The following DLG2 variants were observed in gnomAD, a reference collection of about 807,000 sequenced individuals.
DLG2 encodes the protein discs large MAGUK scaffold protein 2.
In DLG2, 45 loss-of-function variants were observed where a neutral mutation model predicts 132.5. That is an observed-to-expected ratio of 0.34 (90% CI 0.27 to 0.44). DLG2 has a LOEUF of 0.44. Ranked by LOEUF, DLG2 falls within the 20% of genes least tolerant of loss-of-function variation. The pLI, the probability that DLG2 is intolerant of heterozygous loss-of-function variation, is 1.00. For missense variants in DLG2, 1,045 were observed against 1,196.9 expected, an observed-to-expected ratio of 0.87 and a Z score of 1.87; for synonymous variants, 424 against 419.6, an observed-to-expected ratio of 1.01 and a Z score of -0.13.
chr11:83,691,375 T>G (rs2080964094), intron 18 of DLG2, among the ~76,000 whole-genome samples: 1 of 152,030 alleles, frequency 6.6e-6, no homozygotes, highest in African/African-American at 2.4e-5. Context: ...AAGGACAGGG[T>G]AGGGTGGGGA....
chr11:85,009,963 C>A (rs541364099), intron 6 of DLG2, among the ~76,000 whole-genome samples: 1 of 152,138 alleles, frequency 6.6e-6, no homozygotes, highest in Admixed American at 6.5e-5. Flanking sequence ...GTAGGTTGCC[C>A]AAGAATCCCA....
chr11:85,517,261 T>C (rs2094187712), intron 3 of DLG2, among the ~76,000 whole-genome samples: 1 of 151,920 alleles, frequency 6.6e-6, no homozygotes, highest in Non-Finnish European at 1.5e-5. Flanking sequence ...CTCCCCAAGA[T>C]AGGCATAGAA....
intron 6 of DLG2, among the ~76,000 whole-genome samples, chr11:84,672,464 T>G (rs1411680412): frequency 6.6e-6 from 1 of 152,176 alleles, no homozygotes; most frequent in Non-Finnish European, 1.5e-5. Flanking sequence ...AACATATTTT[T>G]AATAGAGAAG....
At chr11:83,900,214 G>A (rs1596150831) in intron 15 of DLG2, among the ~76,000 whole-genome samples, 2 of 152,136 alleles carry the variant, frequency 1.3e-5, no homozygotes, top group African/African-American at 4.8e-5. Flanking sequence ...AGTTTTATAA[G>A]GGAAGCAGAG....
At chr11:84,656,349 A>G (rs2099688238) in intron 6 of DLG2, among the ~76,000 whole-genome samples, 1 of 152,206 alleles carries the variant, frequency 6.6e-6, no homozygotes, top group Non-Finnish European at 1.5e-5. Context: ...AACAAAAATC[A>G]CCATATAAAA....
At chr11:84,146,560 A>G (rs1488134658) in intron 9 of DLG2, among the ~76,000 whole-genome samples, 2 of 152,160 alleles carry the variant, frequency 1.3e-5, no homozygotes, top group Non-Finnish European at 2.9e-5. Context: ...AATTAGAAAA[A>G]TAATTTAGAA....
At chr11:83,567,410 G>T (rs572639099) in intron 19 of DLG2, among the ~76,000 whole-genome samples, 3 of 152,090 alleles carry the variant, frequency 2.0e-5, no homozygotes, top group Non-Finnish European at 2.9e-5. Context: ...ACCTGGTTTT[G>T]CCTCTACCAT....
intron 8 of DLG2, among the ~76,000 whole-genome samples, chr11:84,185,373 G>C (rs1348965500): frequency 3.3e-5 from 5 of 152,058 alleles, no homozygotes; most frequent in Non-Finnish European, 5.9e-5. Flanking sequence ...CTCTCTGTTT[G>C]TCTGTTATTT....
chr11:83,516,089 T>G (rs1422479404), intron 21 of DLG2, among the ~76,000 whole-genome samples: 2 of 152,220 alleles, frequency 1.3e-5, no homozygotes, highest in Non-Finnish European at 2.9e-5. Flanking sequence ...TTGTTAATTT[T>G]CTGTCCCTTT....
intron 7 of DLG2, chr11:84,273,438 G>T: frequency 1.4e-6 from 1 of 723,090 alleles, no homozygotes. Context: ...GGATAACTGG[G>T]CATGACTTGA....
intron 7 of DLG2, among the ~76,000 whole-genome samples, chr11:84,510,217 A>G (rs1353207211): frequency 6.6e-6 from 1 of 151,806 alleles, no homozygotes; most frequent in Non-Finnish European, 1.5e-5. Flanking sequence ...TATATTATCA[A>G]AATTGGAAAG....
intron 3 of DLG2, among the ~76,000 whole-genome samples, chr11:85,564,766 T>C (rs1172062053): frequency 6.6e-6 from 1 of 151,992 alleles, no homozygotes; most frequent in African/African-American, 2.4e-5. Flanking sequence ...TAGAATCAGT[T>C]TGTCAATTTT....
intron 3 of DLG2, among the ~76,000 whole-genome samples, chr11:85,449,859 G>A (rs1812352): frequency 0.066 from 9,903 of 151,104 alleles, 431 homozygotes; most frequent in East Asian, 0.1. Flanking sequence ...TAGGCACAGT[G>A]GGTCACGCCT....
At chr11:85,305,801 C>T (rs769098101) in intron 3 of DLG2, among the ~76,000 whole-genome samples, 3 of 152,192 alleles carry the variant, frequency 2.0e-5, no homozygotes, top group African/African-American at 7.2e-5. Flanking sequence ...GCGTGAGCCA[C>T]GGCGCCTGGC....
chr11:85,152,126 C>G (rs1427662191), intron 5 of DLG2, among the ~76,000 whole-genome samples: 1 of 151,990 alleles, frequency 6.6e-6, no homozygotes, highest in Non-Finnish European at 1.5e-5. Context: ...TATAAATATA[C>G]ACTATAGCCT....
chr11:84,517,552 T>C (rs1264214691), intron 7 of DLG2, among the ~76,000 whole-genome samples: 1 of 151,934 alleles, frequency 6.6e-6, no homozygotes, highest in Non-Finnish European at 1.5e-5. Flanking sequence ...GATGGGAATA[T>C]AAATTAATGC....
chr11:83,474,471 C>T (rs991913289), intron 22 of DLG2, among the ~76,000 whole-genome samples: 4 of 152,078 alleles, frequency 2.6e-5, no homozygotes, highest in African/African-American at 9.7e-5. Flanking sequence ...ACTAACATTG[C>T]AATTTTAGAC....
At chr11:84,375,785 G>C (rs1368147311) in intron 7 of DLG2, among the ~76,000 whole-genome samples, 2 of 151,792 alleles carry the variant, frequency 1.3e-5, no homozygotes, top group Non-Finnish European at 2.9e-5. Flanking sequence ...TTATACATTT[G>C]CTTTTCCATT....
At chr11:85,587,744 G>C (rs557422708) in intron 3 of DLG2, among the ~76,000 whole-genome samples, 65 of 152,240 alleles carry the variant, frequency 4.3e-4, no homozygotes, top group African/African-American at 1.6e-3. Context: ...GCTAGCTGTT[G>C]CCTGAACATC....
Sources: gnomAD v4.1 joint callset for allele counts (sites outside exome capture counted in the v4.1 genomes callset) on GRCh38, gnomAD v4.1.1 for gene constraint, MANE v1.5 for transcripts, NCBI Gene and HGNC (gene_info 2026-07-23, HGNC 2026-07-21) for gene names.